The following WDR20 variants were observed in gnomAD, a reference collection of about 807,000 sequenced individuals.
The protein encoded by WDR20 is WD repeat domain 20.
WDR20 carries 3 observed loss-of-function variants against 38.7 expected under a neutral mutation model. That is an observed-to-expected ratio of 0.08 (90% confidence interval 0.04 to 0.20). WDR20 has a LOEUF of 0.20. Ranked by LOEUF, WDR20 falls within the 10% of genes least tolerant of loss-of-function variation. WDR20 has a pLI of 1.00. For synonymous variants in WDR20, 298 were observed against 285.6 expected (o/e 1.04, Z -0.44); for missense variants, 559 against 727.7 (o/e 0.77, Z 2.67).
intron 1 of WDR20, among the ~76,000 whole-genome samples, chr14:102,186,818 G>A (rs188348897): frequency 6.6e-6 from 1 of 151,942 alleles, no homozygotes; most frequent in African/African-American, 2.4e-5. Flanking sequence ...GGGGTGGTGG[G>A]GGGCGCCTGT....
chr14:102,199,838 T>C (rs2060000054), intron 2 of WDR20, among the ~76,000 whole-genome samples: 1 of 152,264 alleles, frequency 6.6e-6, no homozygotes. Context: ...AAAAATTGTG[T>C]GCATTTAAAA....
rs745910352 is a variant in WDR20, at chr14:102,222,899, G to C, written c.*16G>C. ...TGTAGTGTAGCGACCTCACTGCTGC[G>C]CGCACAGTCTCCCGGGACTTGGACT... On this transcript the variant is annotated 3_prime_UTR_variant, in exon 4 of 4. Coordinates refer to the WDR20 transcript ENST00000335263. The surrounding 1 kb of genome is among the most constrained non-coding windows in gnomAD (Gnocchi z 4.4). 1 of 1,614,086 alleles carries C rather than the reference G, an allele frequency of 6.2e-7. No homozygotes were observed. Among genetic ancestry groups the C allele is most frequent in the Non-Finnish European group, 8.5e-7 (1 of 1,179,976 alleles).
chr14:102,164,769 A>G (rs1190582655), intron 1 of WDR20, among the ~76,000 whole-genome samples: 2 of 152,202 alleles, frequency 1.3e-5, no homozygotes, highest in Non-Finnish European at 2.9e-5. Context: ...TCTACCTAGA[A>G]TTTAACTATC....
At chr14:102,171,983 T>G (rs940617471) in intron 1 of WDR20, among the ~76,000 whole-genome samples, 1 of 150,948 alleles carries the variant, frequency 6.6e-6, no homozygotes, top group Non-Finnish European at 1.5e-5. Context: ...CAGGGTCATA[T>G]GTGGAGGGAA....
At chr14:102,196,753 T>C (rs1194885056) in intron 2 of WDR20, among the ~76,000 whole-genome samples, 1 of 152,242 alleles carries the variant, frequency 6.6e-6, no homozygotes, top group African/African-American at 2.4e-5. Flanking sequence ...CCCTGGTGAC[T>C]GGGAGTTGCA....
At position 102,199,354 on chromosome 14, in the gene WDR20, G is replaced by A. The variant is rs537836660; in HGVS notation, c.432+4234G>A. 3.9e-4 allele frequency among the ~76,000 whole-genome samples: 59 copies of A among 152,172 alleles called. 1 individual carries two copies. In the South Asian group the frequency reaches 7.9e-3, roughly 20 times the overall value. ...CGAGCCTTGGTGGATGCTCAGCAAC[G>A]TGGAGGTTGAGAGAAACTCAGGCTT... On this transcript the variant is annotated intron_variant, in intron 2 of 2. Transcript: ENST00000342702.
upstream of WDR20, chr14:102,139,787 C>T: frequency 7.5e-7 from 1 of 1,335,614 alleles, no homozygotes; most frequent in Admixed American, 2.2e-5. Context: ...TTTGGCCCGC[C>T]CTCGCAGGGC....
chr14:102,183,583 T>C (rs565385927), intron 1 of WDR20, among the ~76,000 whole-genome samples: 2 of 152,352 alleles, frequency 1.3e-5, no homozygotes, highest in South Asian at 2.1e-4. Flanking sequence ...CAGCTAGATA[T>C]GGTTAAAGGT....
At chr14:102,192,488 A>C (rs1415127724) in intron 1 of WDR20, among the ~76,000 whole-genome samples, 1 of 151,936 alleles carries the variant, frequency 6.6e-6, no homozygotes, top group Non-Finnish European at 1.5e-5. Flanking sequence ...GGCCCATTTT[A>C]CCTGATTTAA....
Position 102,208,962 on chromosome 14 carries a change from CTTGCTG to C in WDR20, c.794_799del (p.Leu265_Leu266del). On this transcript the variant is annotated inframe_deletion, in exon 3 of 3. Transcript: ENST00000342702. This position sits in a 1 kb window ranked among gnomAD's most constrained non-coding sequence, Gnocchi z 5.6. The stretch of plus-strand genomic sequence containing the variant: ...GTACGATGAAAAGCTACTTTGGGGG[CTTGCTG>C]TGTGTGTGCTGGAGCCCGGATGGCA... 6.2e-7 allele frequency: 1 copy of C among 1,614,164 alleles called. No individual in the cohort carries two copies. Among genetic ancestry groups the C allele is most frequent in the Non-Finnish European group, 8.5e-7 (1 of 1,180,032 alleles).
rs2062117034 is a variant in WDR20 at position 102,209,372 on chromosome 14, C to T, written c.1202C>T (p.Thr401Ile). ...CCCCTCTCAAGAGCAAGGACACACACAAATGTCATGAATGCCACGAGTCCT... is the reference window on the plus strand; with the variant it reads ...CCCCTCTCAAGAGCAAGGACACACATAAATGTCATGAATGCCACGAGTCCT... ...HQPLSRARTH[T>I]NVMNATSPPA... The change falls in exon 3 of 3, where the codon ACA (threonine) becomes ATA (isoleucine). Residue 401 changes from threonine to isoleucine, a missense_variant. Coordinates refer to ENST00000342702, the MANE Select transcript of WDR20 (RefSeq NM_144574.4). The surrounding 1 kb of genome is among the most constrained non-coding windows in gnomAD (Gnocchi z 6.0). 6.2e-7 allele frequency: 1 copy of T among 1,614,022 alleles called. No homozygotes were observed. The highest frequency in any genetic ancestry group is 8.5e-7 in the Non-Finnish European group (1 of 1,180,042).
rs975871188 is a variant in WDR20, at chr14:102,208,406, C to T, written c.433-197C>T. On this transcript the variant is annotated intron_variant, in intron 2 of 2. Coordinates refer to ENST00000342702, the MANE Select transcript of WDR20 (RefSeq NM_144574.4). The surrounding 1 kb of genome is among the most constrained non-coding windows in gnomAD (Gnocchi z 5.6). ...TCCGTGAAAGCCAGCAGCCTAACAC[C>T]GATTTTAGAAAGTAATTCTAAATTA... Among the ~76,000 whole-genome samples the T allele has an allele frequency of 2.0e-5, 3 of 152,192 alleles. No homozygotes were observed. The highest frequency in any genetic ancestry group is 1.9e-4 in the East Asian group (1 of 5,194).
chr14:102,145,306 C>T (rs2053202870), intron 1 of WDR20, among the ~76,000 whole-genome samples: 2 of 152,144 alleles, frequency 1.3e-5, no homozygotes, highest in Non-Finnish European at 2.9e-5. Flanking sequence ...TTTTAAAAGA[C>T]ATTTAAAAAT....
intron 1 of WDR20, among the ~76,000 whole-genome samples, chr14:102,156,725 G>A (rs570582140): frequency 8.5e-4 from 129 of 152,046 alleles, no homozygotes; most frequent in African/African-American, 1.0e-3. Context: ...GGCCAGGTGC[G>A]GTGGCTCATG....
At chr14:102,189,952 G>A (rs1316979862) in intron 1 of WDR20, among the ~76,000 whole-genome samples, 1 of 152,180 alleles carries the variant, frequency 6.6e-6, no homozygotes, top group Admixed American at 6.5e-5. Context: ...CTTGCTGTGG[G>A]CGGTGGGACG....
In WDR20 at chr14:102,209,658, T is replaced by C. The variant is rs759366277; in HGVS notation, c.1488T>C (p.Asn496=). Residue 496 remains asparagine, a synonymous_variant, in exon 3 of 3, where the codon AAT becomes AAC. Transcript: ENST00000342702. This position sits in a 1 kb window ranked among gnomAD's most constrained non-coding sequence, Gnocchi z 6.0. The part of the protein sequence containing the change: ...HISSKSSDKL[N]LVTKTKTDPA... The stretch of plus-strand genomic sequence containing the variant: ...CTAGCAAGAGCAGTGACAAACTGAA[T>C]CTAGTTACCAAAACCAAAACGGACC... 1.1e-5 allele frequency: 17 copies of C among 1,614,112 alleles called. No individual in the cohort carries two copies. The highest frequency in any genetic ancestry group is 1.4e-5 in the Non-Finnish European group (17 of 1,180,020).
intron 1 of WDR20, among the ~76,000 whole-genome samples, chr14:102,160,692 C>G (rs2058426385): frequency 6.6e-6 from 1 of 151,822 alleles, no homozygotes; most frequent in Admixed American, 6.6e-5. Context: ...CCCATAATCC[C>G]AGCACTTTGG....
downstream of WDR20, chr14:102,224,578 T>G (rs777640095): frequency 2.4e-5 from 11 of 455,918 alleles, no homozygotes; most frequent in South Asian, 1.5e-4. Context: ...CACATTAAAT[T>G]GGGGGCATGT....
intron 1 of WDR20, among the ~76,000 whole-genome samples, chr14:102,158,212 C>T (rs1026338608): frequency 6.6e-6 from 1 of 152,174 alleles, no homozygotes; most frequent in South Asian, 2.1e-4. Context: ...GTGCTGCCTA[C>T]ACTCCCCTAA....
Sources: allele counts gnomAD v4.1 joint callset (sites outside exome capture counted in the v4.1 genomes callset), GRCh38; gene constraint gnomAD v4.1.1; non-coding constraint Gnocchi (gnomAD v3.1); transcripts MANE v1.5; gene names NCBI Gene and HGNC (gene_info 2026-07-23, HGNC 2026-07-21).